SHTN1: variants seen among roughly 807,000 people sequenced by gnomAD.
SHTN1 encodes the protein shootin-1.
SHTN1 carries 42 observed loss-of-function variants against 83.1 expected under a neutral mutation model. The observed-to-expected ratio is 0.51, with a 90% confidence interval of 0.39 to 0.65. The LOEUF is 0.65. Among genes scored for constraint, SHTN1 ranks in the 30% least tolerant of loss-of-function variants. SHTN1 has a pLI of 0.00. For missense variants in SHTN1, 622 were observed against 737.8 expected (o/e 0.84, Z 1.82); for synonymous variants, 224 against 247.7 (o/e 0.90, Z 0.90).
intron 6 of SHTN1, among the ~76,000 whole-genome samples, chr10:116,949,204 C>G (rs1849691363): frequency 6.6e-6 from 1 of 152,058 alleles, no homozygotes; most frequent in South Asian, 2.1e-4. Flanking sequence ...ATACCTGGTA[C>G]AGAACTTATT....
rs1564899535 is a variant in SHTN1 at position 116,960,245 on chromosome 10, G to A, written c.173-15C>T. ...CATGTGAGAAACTAGGAATGAGGGG[G>A]AAAAAAAATCTCAGCATTCAAAGAT... On this transcript the variant is annotated splice_polypyrimidine_tract_variant and intron_variant, in intron 3 of 16. Transcript: ENST00000355371. 1.4e-6 allele frequency: 2 copies of A among 1,428,202 alleles called. No individual in the cohort carries two copies. The highest frequency in any genetic ancestry group is 1.2e-5 in the South Asian group (1 of 86,442). The allele number at this position is 1,428,202 out of a possible 1,614,324, so 88.5% of individuals were successfully genotyped here. A position where few individuals can be genotyped will look rare whatever the true frequency, so the allele number is the denominator to read the frequency against.
intron 6 of SHTN1, among the ~76,000 whole-genome samples, chr10:116,949,338 G>A (rs923096128): frequency 4.6e-5 from 7 of 151,732 alleles, no homozygotes; most frequent in African/African-American, 1.5e-4. Flanking sequence ...CTATGTTGCC[G>A]AGGCTGGTCT....
rs558416934 is a variant in SHTN1 at position 116,966,156 on chromosome 10, C to T, written c.172+2496G>A. On this transcript the variant is annotated intron_variant, in intron 3 of 16. Coordinates refer to ENST00000355371, the MANE Select transcript of SHTN1 (RefSeq NM_001127211.3). The stretch of plus-strand genomic sequence containing the variant: ...CAAAATAGCTAGGACTACAGGTGCC[C>T]GCCACCACGCCTGGCTAATTTTTTG... 8.3e-4 allele frequency among the ~76,000 whole-genome samples: 126 copies of T among 152,190 alleles called. 2 individuals carry two copies. In the South Asian group the frequency reaches 0.025, roughly 30 times the overall value.
chr10:116,881,682 C>G lies in SHTN1; in HGVS notation c.*4662G>C. On this transcript the variant is annotated 3_prime_UTR_variant, in exon 17 of 17. Coordinates refer to ENST00000355371, the MANE Select transcript of SHTN1 (RefSeq NM_001127211.3). ...ATCCTCTGGATAGGGCTGTACACAC[C>G]CCAGGTTCCAGCCACACCATCAGTA... The G allele has an allele frequency of 6.8e-7, 1 of 1,478,476 alleles. No individual in the cohort carries two copies. The highest frequency in any genetic ancestry group is 9.0e-7 in the Non-Finnish European group (1 of 1,109,742). The allele number at this position is 1,478,476 out of a possible 1,614,324, so 91.6% of individuals were successfully genotyped here.
At chr10:116,890,144 A>G (rs1847291562) in intron 16 of SHTN1, among the ~76,000 whole-genome samples, 1 of 127,238 alleles carries the variant, frequency 7.9e-6, no homozygotes, top group Non-Finnish European at 1.6e-5. Flanking sequence ...TGGGAATTGT[A>G]ATATACTGTC....
intron 9 of SHTN1, 103 bp from the exon 10 acceptor site, chr10:116,930,105 T>G: frequency 1.5e-6 from 1 of 657,134 alleles, no homozygotes; most frequent in Non-Finnish European, 2.4e-6. Context: ...CTGTACTTCA[T>G]AGCAAACAGA....
chr10:117,091,388 G>C (rs1332086791), intron 1 of SHTN1, among the ~76,000 whole-genome samples: 1 of 152,092 alleles, frequency 6.6e-6, no homozygotes, highest in Admixed American at 6.6e-5. Flanking sequence ...CAGTCAAAAA[G>C]GAAAGCTCTG....
chr10:116,984,533 A>G (rs1851158811), intron 1 of SHTN1, among the ~76,000 whole-genome samples: 1 of 152,110 alleles, frequency 6.6e-6, no homozygotes, highest in Non-Finnish European at 1.5e-5. Context: ...CACTGCTGTC[A>G]TCATCTACCT....
chr10:117,007,327 T>C (rs1026913270), upstream of SHTN1, among the ~76,000 whole-genome samples: 3 of 151,986 alleles, frequency 2.0e-5, no homozygotes, highest in African/African-American at 7.2e-5. Flanking sequence ...AAGTTCCATT[T>C]TTTTTTAATG....
intron 1 of SHTN1, among the ~76,000 whole-genome samples, chr10:117,109,236 C>A (rs950847532): frequency 3.3e-5 from 5 of 152,130 alleles, no homozygotes; most frequent in African/African-American, 1.2e-4. Context: ...GACCACCCCC[C>A]ACCACTGCTT....
At chr10:117,113,348 A>AG (rs1853794625) in intron 1 of SHTN1, among the ~76,000 whole-genome samples, 1 of 152,232 alleles carries the variant, frequency 6.6e-6, no homozygotes, top group Non-Finnish European at 1.5e-5. Context: ...TTACTGAGGC[A>AG]GGCCAAGCAT....
chr10:117,109,363 C>T (rs950011983), intron 1 of SHTN1, among the ~76,000 whole-genome samples: 5 of 151,882 alleles, frequency 3.3e-5, no homozygotes, highest in Admixed American at 3.3e-4. Context: ...ACAGTAGACA[C>T]TCAATACATG....
At chr10:117,124,520 C>G (rs983368770) in intron 1 of SHTN1, among the ~76,000 whole-genome samples, 1 of 152,178 alleles carries the variant, frequency 6.6e-6, no homozygotes, top group African/African-American at 2.4e-5. Flanking sequence ...ACTCTGTAAT[C>G]CCACCACTTT....
intron 2 of SHTN1, among the ~76,000 whole-genome samples, chr10:116,974,398 G>A (rs904558700): frequency 6.6e-6 from 1 of 152,034 alleles, no homozygotes; most frequent in Admixed American, 6.6e-5. Flanking sequence ...CTTCTTTATT[G>A]ATTTTTTTAA....
intron 1 of SHTN1, among the ~76,000 whole-genome samples, chr10:117,075,517 A>G (rs930585868): frequency 5.3e-5 from 8 of 152,230 alleles, no homozygotes; most frequent in African/African-American, 1.9e-4. Flanking sequence ...ACTTCATGGA[A>G]CTTCCAATCT....
At chr10:116,932,179 G>A (rs576887873) in intron 9 of SHTN1, among the ~76,000 whole-genome samples, 3 of 152,266 alleles carry the variant, frequency 2.0e-5, no homozygotes, top group Admixed American at 6.5e-5. Context: ...ATGATCATGC[G>A]AGTAAATAAC....
intron 1 of SHTN1, among the ~76,000 whole-genome samples, chr10:117,002,230 T>TA (rs1851845724): frequency 6.6e-6 from 1 of 152,152 alleles, no homozygotes; most frequent in Non-Finnish European, 1.5e-5. Context: ...AATAAAAAAG[T>TA]AATTGTACAT....
chr10:116,957,457 T>C (rs1220893824), intron 4 of SHTN1, among the ~76,000 whole-genome samples: 2 of 151,444 alleles, frequency 1.3e-5, no homozygotes, highest in Non-Finnish European at 2.9e-5. Context: ...TTTCACCATG[T>C]TTGCCAGGAT....
intron 4 of SHTN1, among the ~76,000 whole-genome samples, chr10:116,959,747 A>G (rs1171936992): frequency 6.6e-6 from 1 of 152,124 alleles, no homozygotes; most frequent in African/African-American, 2.4e-5. Context: ...TTTTCATCTG[A>G]TTCAAATATG....
Sources: gnomAD v4.1 joint callset for allele counts (sites outside exome capture counted in the v4.1 genomes callset) on GRCh38, gnomAD v4.1.1 for gene constraint, MANE v1.5 for transcripts, NCBI Gene and HGNC (gene_info 2026-07-23, HGNC 2026-07-21) for gene names.